DCUN1D2: variants seen among roughly 807,000 people sequenced by gnomAD.
DCUN1D2 encodes the protein DCN1-like protein 2.
In DCUN1D2, 29 loss-of-function variants were observed where a neutral mutation model predicts 30.9. That is an observed-to-expected ratio of 0.94 (90% CI 0.70 to 1.28). The LOEUF (loss-of-function observed/expected upper bound fraction) is 1.28, where lower values mean the gene tolerates loss of function less well. Among genes scored for constraint, DCUN1D2 ranks in the 50% most tolerant of loss-of-function variants. The pLI is 0.00. For synonymous variants in DCUN1D2, 121 were observed against 115.3 expected, an observed-to-expected ratio of 1.05 and a Z score of -0.32; for missense variants, 325 against 316.9, an observed-to-expected ratio of 1.03 and a Z score of -0.19.
intron 3 of DCUN1D2, among the ~76,000 whole-genome samples, chr13:113,475,182 T>C (rs931911749): frequency 1.3e-5 from 2 of 152,180 alleles, no homozygotes; most frequent in East Asian, 1.9e-4. Context: ...GACTCAGTCC[T>C]GCGCGCAGTC....
At chr13:113,480,459 T>C in intron 3 of DCUN1D2, 116 bp downstream of exon 3, 4 of 1,163,884 alleles carry the variant, frequency 3.4e-6, no homozygotes, top group Non-Finnish European at 4.8e-6. Context: ...TAAGAAATTT[T>C]AAAGATACAC....
chr13:113,479,676 T>A (rs1341096142), intron 3 of DCUN1D2, among the ~76,000 whole-genome samples: 1 of 152,174 alleles, frequency 6.6e-6, no homozygotes, highest in Non-Finnish European at 1.5e-5. Context: ...TGAGCCAAGA[T>A]CGTGCCACTG....
intron 4 of DCUN1D2, among the ~76,000 whole-genome samples, chr13:113,465,859 A>G (rs143770129): frequency 1.3e-5 from 2 of 148,330 alleles, no homozygotes; most frequent in South Asian, 2.1e-4. Context: ...ATGTGTGTGT[A>G]TATATATAGA....
Position 113,475,799 on chromosome 13 carries a change from CAG to C in DCUN1D2, c.390-1547_390-1546del, listed in dbSNP as rs892898084. ...GTGCACTGTACCCCAGTTGGCACAA[CAG>C]AGTGTGACCTTCTTAAAAAAGGGAG... On this transcript the variant is annotated intron_variant, in intron 3 of 6. Transcript: ENST00000478244. 3 of 152,420 alleles carry C rather than the reference CAG, an allele frequency of 2.0e-5. No individual in the cohort carries two copies. The South Asian group carries it at 6.2e-4, about 32-fold the overall frequency. 9.4% of individuals were successfully genotyped at this position (152,420 alleles called of 1,614,324 possible).
At chr13:113,486,693 C>G (rs977415332) in intron 1 of DCUN1D2, among the ~76,000 whole-genome samples, 1 of 152,198 alleles carries the variant, frequency 6.6e-6, no homozygotes, top group African/African-American at 2.4e-5. Flanking sequence ...ATATGGCCCT[C>G]ACACGTGCAG....
chr13:113,471,925 CAG>C (rs2044522822), intron 4 of DCUN1D2, among the ~76,000 whole-genome samples: 1 of 152,178 alleles, frequency 6.6e-6, no homozygotes, highest in Non-Finnish European at 1.5e-5. Context: ...CTGGGGAACA[CAG>C]AGCAAAGACC....
chr13:113,470,223 G>T (rs375569011), intron 4 of DCUN1D2, among the ~76,000 whole-genome samples: 2 of 152,184 alleles, frequency 1.3e-5, no homozygotes, highest in Non-Finnish European at 2.9e-5. Context: ...ACAGTCACAC[G>T]CTGTCCAGGT....
intron 2 of DCUN1D2, among the ~76,000 whole-genome samples, chr13:113,483,502 G>A (rs1247622270): frequency 1.3e-5 from 2 of 152,182 alleles, no homozygotes; most frequent in Non-Finnish European, 2.9e-5. Context: ...TGTATTAACA[G>A]ACACAGTCAC....
At chr13:113,481,939 T>C (rs2044718737) in intron 2 of DCUN1D2, among the ~76,000 whole-genome samples, 1 of 151,978 alleles carries the variant, frequency 6.6e-6, no homozygotes, top group Non-Finnish European at 1.5e-5. Flanking sequence ...TATTCTCTTA[T>C]ATCAGGGAGA....
rs773574306 is a variant in DCUN1D2, at chr13:113,461,118, G to A, written c.539C>T (p.Ala180Val). The A allele has an allele frequency of 5.6e-6, 9 of 1,607,524 alleles. No homozygotes were observed. Among genetic ancestry groups the A allele is most frequent in the Middle Eastern group, 1.6e-4 (1 of 6,070 alleles). Residue 180 changes from alanine to valine, a missense_variant, in exon 5 of 7, where the codon GCG becomes GTG. Physicochemically the swap from Ala to Val is moderately conservative, Grantham distance 64 (BLOSUM62 0). Coordinates refer to ENST00000478244, the MANE Select transcript of DCUN1D2 (RefSeq NM_001014283.2). The stretch of plus-strand genomic sequence containing the variant: ...TCCAGATAACACTAATTTCCAATAC[G>A]CAACAGCCATTTCTAAGTCTGGTAA... ...QKGLDLEMAV[A>V]YWKLVLSGRF...
chr13:113,484,376 C>T lies in DCUN1D2; in HGVS notation c.4-320G>A, dbSNP rs537458599. Reference sequence around the variant, plus strand: ...TAACTCTGTAATGCACATCTAGCCTCTGAGGACACAGGGCAAGGACCTTAC... The same window carrying T: ...TAACTCTGTAATGCACATCTAGCCTTTGAGGACACAGGGCAAGGACCTTAC... On this transcript the variant is annotated intron_variant, in intron 1 of 6. Transcript: ENST00000478244. Among the ~76,000 whole-genome samples the T allele has an allele frequency of 3.3e-5, 5 of 152,338 alleles. No individual in the cohort carries two copies. The East Asian group carries it at 9.6e-4, about 29-fold the overall frequency.
At chr13:113,477,811 C>T (rs545998426) in intron 3 of DCUN1D2, among the ~76,000 whole-genome samples, 3 of 151,536 alleles carry the variant, frequency 2.0e-5, no homozygotes, top group Non-Finnish European at 2.9e-5. Flanking sequence ...TTAATTACAC[C>T]GATTGACTCT....
chr13:113,470,363 C>T (rs2044481157), intron 4 of DCUN1D2, among the ~76,000 whole-genome samples: 1 of 152,102 alleles, frequency 6.6e-6, no homozygotes, highest in Non-Finnish European at 1.5e-5. Flanking sequence ...TTTCTCAGAA[C>T]CTATCGCTGC....
intron 1 of DCUN1D2, among the ~76,000 whole-genome samples, chr13:113,487,492 G>A (rs1007432272): frequency 5.9e-5 from 9 of 152,130 alleles, no homozygotes; most frequent in East Asian, 1.9e-4. Context: ...TCCACACAGC[G>A]CACGACTCCA....
intron 3 of DCUN1D2, chr13:113,475,854 T>C (rs1223726727): frequency 6.6e-6 from 1 of 152,334 alleles, no homozygotes; most frequent in Admixed American, 6.5e-5. Flanking sequence ...CTCTTTGCCA[T>C]TTCAGCCTCC....
At chr13:113,491,078 C>CCCTCCCGGCCTCCCGG (rs1212149274), upstream of DCUN1D2, 1 of 152,336 alleles carries the variant, frequency 6.6e-6, no homozygotes, top group African/African-American at 2.5e-5. Flanking sequence ...GGCGGCCGCT[C>CCCTCCCGGCCTCCCGG]CCTCCCGGAC....
At position 113,484,042 on chromosome 13, in the gene DCUN1D2, C is replaced by G; in HGVS notation, c.18G>C (p.Ser6=). The G allele has an allele frequency of 6.2e-7, 1 of 1,613,872 alleles. No homozygotes were observed. Among genetic ancestry groups the G allele is most frequent in the South Asian group, 1.1e-5 (1 of 91,086 alleles). ...ACTGGCGGACCTTGTCCTTCTGAGA[C>G]GATTTAAGCTTATGCTTTGGGATGC... MHKLK[S]SQKDKVRQFM... is the part of the protein sequence containing the mutation. The change falls in exon 2 of 7, where the codon TCG becomes TCC. Residue 6 remains serine, a synonymous_variant. Coordinates refer to ENST00000478244, the MANE Select transcript of DCUN1D2 (RefSeq NM_001014283.2).
chr13:113,491,485 C>G (rs1165544225), upstream of DCUN1D2, among the ~76,000 whole-genome samples: 1 of 149,484 alleles, frequency 6.7e-6, no homozygotes, highest in African/African-American at 2.5e-5. Context: ...CAGGGGTCCC[C>G]TTCCTTCCTT....
At position 113,456,089 on chromosome 13, in the gene DCUN1D2, A is replaced by G. The variant is rs2044221367; in HGVS notation, c.*1940T>C. 5.0e-6 allele frequency: 2 copies of G among 397,474 alleles called. No individual in the cohort carries two copies. The highest frequency in any genetic ancestry group is 2.8e-4 in the South Asian group (2 of 7,184). 24.6% of individuals were successfully genotyped at this position (397,474 alleles called of 1,614,324 possible). A position where few individuals can be genotyped will look rare whatever the true frequency, so the allele number is the denominator to read the frequency against. On this transcript the variant is annotated 3_prime_UTR_variant, in exon 7 of 7. Transcript: ENST00000478244. ...GTCAAGAATCCATGAAGCCTGGAAG[A>G]TACGCTCACGTTTTTGAGGTTTGTA...
Sources: allele counts gnomAD v4.1 joint callset (sites outside exome capture counted in the v4.1 genomes callset), GRCh38; gene constraint gnomAD v4.1.1; transcripts MANE v1.5; gene names NCBI Gene and HGNC (gene_info 2026-07-23, HGNC 2026-07-21).